Variants in TRHDE observed in about 807,000 individuals in gnomAD.
TRHDE encodes the protein thyrotropin releasing hormone degrading enzyme, also known as thyrotropin-releasing hormone-degrading ectoenzyme.
A neutral mutation model predicts 125.7 loss-of-function variants in TRHDE; 72 were observed. That is an observed-to-expected ratio of 0.57 (90% CI 0.47 to 0.70). The LOEUF (loss-of-function observed/expected upper bound fraction) is 0.70. Among genes scored for constraint, TRHDE ranks in the 30% least tolerant of loss-of-function variants. TRHDE has a pLI of 0.00. For synonymous variants in TRHDE, 509 were observed against 509.1 expected, an observed-to-expected ratio of 1.00 and a Z score of 0.00; for missense variants, 1,110 against 1,327.1, an observed-to-expected ratio of 0.84 and a Z score of 2.54.
intron 2 of TRHDE, among the ~76,000 whole-genome samples, chr12:72,211,294 C>G (rs777085755): frequency 6.6e-6 from 1 of 152,088 alleles, no homozygotes; most frequent in Non-Finnish European, 1.5e-5. Flanking sequence ...TGAAGGGCTT[C>G]ATAGTTCTGG....
intron 3 of TRHDE, among the ~76,000 whole-genome samples, chr12:72,381,638 C>T (rs1258401044): frequency 6.6e-6 from 1 of 151,996 alleles, no homozygotes; most frequent in African/African-American, 2.4e-5. Context: ...CCTCGTGATC[C>T]GCCCGCCTCG....
intron 2 of TRHDE, among the ~76,000 whole-genome samples, chr12:72,250,837 G>GAT (rs376713479): frequency 0.13 from 14,938 of 117,830 alleles, 1,254 homozygotes; most frequent in African/African-American, 0.2. Flanking sequence ...ATGACTTACA[G>GAT]ATATATATAT....
At chr12:72,148,592 CA>C (rs749520606) in intron 2 of TRHDE, among the ~76,000 whole-genome samples, 3 of 152,196 alleles carry the variant, frequency 2.0e-5, no homozygotes, top group Non-Finnish European at 4.4e-5. Context: ...TACAAATACA[CA>C]CGCATATTCA....
chr12:72,130,167 G>A (rs1875827969), intron 2 of TRHDE, among the ~76,000 whole-genome samples: 1 of 152,124 alleles, frequency 6.6e-6, no homozygotes, highest in South Asian at 2.1e-4. Context: ...AGGCGCGGTG[G>A]TGGGTGCCTG....
chr12:72,588,135 T>A (rs1871521466), intron 12 of TRHDE, among the ~76,000 whole-genome samples: 1 of 152,228 alleles, frequency 6.6e-6, no homozygotes. Context: ...TGCATTGACC[T>A]TTCTTATTTT....
intron 7 of TRHDE, among the ~76,000 whole-genome samples, chr12:72,542,623 G>A (rs1869212540): frequency 6.6e-6 from 1 of 151,274 alleles, no homozygotes; most frequent in Admixed American, 6.6e-5. Context: ...GATTCTAAAT[G>A]TTCTATAAAA....
At chr12:72,468,878 A>G (rs1274063404) in intron 3 of TRHDE, among the ~76,000 whole-genome samples, 2 of 152,058 alleles carry the variant, frequency 1.3e-5, no homozygotes, top group Non-Finnish European at 2.9e-5. Flanking sequence ...AAGCCTGGAG[A>G]TGTTTTTTAG....
At chr12:72,619,103 T>G in intron 13 of TRHDE, 65 bp downstream of exon 13, 2 of 1,249,628 alleles carry the variant, frequency 1.6e-6, no homozygotes, top group Non-Finnish European at 2.1e-6. Context: ...CTTTCTACTA[T>G]TATATATGCA....
intron 10 of TRHDE, among the ~76,000 whole-genome samples, chr12:72,572,521 C>A (rs75213327): frequency 6.6e-6 from 1 of 152,018 alleles, no homozygotes; most frequent in East Asian, 1.9e-4. Flanking sequence ...ATTTGAAGAA[C>A]ATTTTAGGGA....
intron 12 of TRHDE, among the ~76,000 whole-genome samples, chr12:72,596,793 G>C (rs888656715): frequency 1.3e-5 from 2 of 152,068 alleles, no homozygotes. Flanking sequence ...TTTTCAAAGA[G>C]ACTCAAAATA....
intron 12 of TRHDE, among the ~76,000 whole-genome samples, chr12:72,592,699 C>A (rs1040620285): frequency 2.3e-5 from 3 of 130,894 alleles, no homozygotes; most frequent in African/African-American, 7.3e-5. Flanking sequence ...GATTTCTTTT[C>A]TTTTCTTTCT....
chr12:72,331,337 C>A (rs946915252), intron 2 of TRHDE, among the ~76,000 whole-genome samples: 3 of 152,116 alleles, frequency 2.0e-5, no homozygotes, highest in Admixed American at 1.3e-4. Flanking sequence ...TATTTTTGAC[C>A]TGCCCCTGTT....
chr12:72,378,961 C>T (rs1190522751), intron 3 of TRHDE, among the ~76,000 whole-genome samples: 1 of 152,168 alleles, frequency 6.6e-6, no homozygotes, highest in Non-Finnish European at 1.5e-5. Flanking sequence ...CCCAGAAAAC[C>T]TGTTTTGAAA....
chr12:72,490,860 T>C (rs1054411933), intron 5 of TRHDE, among the ~76,000 whole-genome samples: 1 of 151,204 alleles, frequency 6.6e-6, no homozygotes, highest in Non-Finnish European at 1.5e-5. Context: ...GTTAAGAGGA[T>C]ACAAATTAAG....
chr12:72,313,609 T>C (rs940923780), intron 2 of TRHDE, among the ~76,000 whole-genome samples: 1 of 152,206 alleles, frequency 6.6e-6, no homozygotes, highest in Non-Finnish European at 1.5e-5. Context: ...AGAACATCTT[T>C]ATTTTTAAGC....
At chr12:72,126,732 A>G (rs1875721529) in intron 2 of TRHDE, among the ~76,000 whole-genome samples, 2 of 152,224 alleles carry the variant, frequency 1.3e-5, no homozygotes, top group Admixed American at 1.3e-4. Flanking sequence ...GTAAGACCTC[A>G]AACTATAAGA....
At chr12:72,590,407 A>G (rs1420551556) in intron 12 of TRHDE, among the ~76,000 whole-genome samples, 2 of 152,074 alleles carry the variant, frequency 1.3e-5, no homozygotes, top group Non-Finnish European at 2.9e-5. Flanking sequence ...TATTTTGACT[A>G]GTATTATAAA....
At chr12:72,134,576 A>AT (rs759452553) in intron 2 of TRHDE, among the ~76,000 whole-genome samples, 107 of 151,430 alleles carry the variant, frequency 7.1e-4, no homozygotes, top group Non-Finnish European at 9.6e-4. Flanking sequence ...TGTATAGTAT[A>AT]TTTTTTTTTC....
intron 2 of TRHDE, among the ~76,000 whole-genome samples, chr12:72,373,504 A>G (rs1871717564): frequency 6.6e-6 from 1 of 152,182 alleles, no homozygotes; most frequent in African/African-American, 2.4e-5. Flanking sequence ...TAATAGATAA[A>G]AATCTTTGCC....
Sources: gnomAD v4.1 joint callset for allele counts (sites outside exome capture counted in the v4.1 genomes callset) on GRCh38, gnomAD v4.1.1 for gene constraint, MANE v1.5 for transcripts, NCBI Gene and HGNC (gene_info 2026-07-23, HGNC 2026-07-21) for gene names.